The following RPS6KA2 variants were observed in gnomAD, a reference collection of about 807,000 sequenced individuals.
The protein encoded by RPS6KA2 is ribosomal protein S6 kinase A2.
Under a neutral mutation model 91.8 loss-of-function variants are expected in RPS6KA2, and 42 were observed. That is an observed-to-expected ratio of 0.46 (90% CI 0.36 to 0.59). The LOEUF (loss-of-function observed/expected upper bound fraction) is 0.59. RPS6KA2 is among the 20% of genes least tolerant of loss of function. The pLI is 0.00. For synonymous variants in RPS6KA2, 414 were observed against 393.6 expected, an observed-to-expected ratio of 1.05 and a Z score of -0.61; for missense variants, 798 against 978.5, an observed-to-expected ratio of 0.82 and a Z score of 2.46.
exon 1 of RPS6KA2, chr6:166,862,321 C>T: frequency 2.0e-6 from 3 of 1,516,630 alleles, no homozygotes; most frequent in Non-Finnish European, 2.6e-6. Context: ...AGGACAGATC[C>T]GGCTCCCAGA....
chr6:166,815,460 A>T (rs1363563554), intron 2 of RPS6KA2, among the ~76,000 whole-genome samples: 1 of 152,224 alleles, frequency 6.6e-6, no homozygotes, highest in African/African-American at 2.4e-5. Flanking sequence ...AAAATAAAAC[A>T]ATTCCTTTAT....
At chr6:166,518,251 CAAAAAAAAAA>C (rs11373431) in intron 3 of RPS6KA2, among the ~76,000 whole-genome samples, 2 of 87,314 alleles carry the variant, frequency 2.3e-5, no homozygotes, top group Admixed American at 1.3e-4. Flanking sequence ...AACACTGCCT[CAAAAAAAAAA>C]AAAAAAAAAA....
chr6:166,683,857 G>A (rs968174968), intron 2 of RPS6KA2, among the ~76,000 whole-genome samples: 5 of 152,218 alleles, frequency 3.3e-5, no homozygotes, highest in Non-Finnish European at 5.9e-5. Flanking sequence ...AGAGGTCCTT[G>A]GGGTGTTCGG....
intron 2 of RPS6KA2, among the ~76,000 whole-genome samples, chr6:166,693,319 C>T (rs1789262914): frequency 1.3e-5 from 2 of 152,206 alleles, no homozygotes; most frequent in Non-Finnish European, 2.9e-5. Flanking sequence ...CTGCTAAACA[C>T]GCGGAAGTGA....
intron 7 of RPS6KA2, among the ~76,000 whole-genome samples, chr6:166,498,912 C>G (rs978137220): frequency 2.0e-5 from 3 of 152,246 alleles, no homozygotes; most frequent in African/African-American, 7.2e-5. Context: ...CTTGGAACAC[C>G]ACCCAGACAG....
chr6:166,539,299 T>C (rs981098646), intron 1 of RPS6KA2, among the ~76,000 whole-genome samples: 3 of 152,230 alleles, frequency 2.0e-5, no homozygotes, highest in African/African-American at 7.2e-5. Flanking sequence ...CTTTTCTCCA[T>C]GGACTTTTGT....
At chr6:166,474,777 C>T (rs1357602243) in intron 10 of RPS6KA2, among the ~76,000 whole-genome samples, 1 of 152,320 alleles carries the variant, frequency 6.6e-6, no homozygotes, top group South Asian at 2.1e-4. Context: ...GCAGCCAACA[C>T]CACACCCAGG....
At chr6:166,839,382 G>A (rs1378053866) in intron 2 of RPS6KA2, among the ~76,000 whole-genome samples, 2 of 151,938 alleles carry the variant, frequency 1.3e-5, no homozygotes, top group African/African-American at 2.4e-5. Flanking sequence ...CAGTGTCTAC[G>A]TGGCCTTTTC....
At chr6:166,416,771 CATCATTTCCACA>C (rs1778546937) in intron 19 of RPS6KA2, among the ~76,000 whole-genome samples, 1 of 151,840 alleles carries the variant, frequency 6.6e-6, no homozygotes, top group Non-Finnish European at 1.5e-5. Flanking sequence ...TTATCTCCAC[CATCATTTCCACA>C]ATCATTCCCT....
rs1327529468 is a variant in RPS6KA2, at chr6:166,627,171, C to T, written c.-152G>A. The T allele has an allele frequency of 1.8e-6, 2 of 1,086,108 alleles. No homozygotes were observed. Among genetic ancestry groups the T allele is most frequent in the South Asian group, 4.5e-5 (1 of 22,228 alleles). 67.3% of individuals were successfully genotyped at this position (1,086,108 alleles called of 1,614,324 possible). A position where few individuals can be genotyped will look rare whatever the true frequency, so the allele number is the denominator to read the frequency against. ...CGGGGCGTGGGGCGCGAGCTGCGGT[C>T]ACAAAGGGCAGGCCGCGCCGGCCAC... On this transcript the variant is annotated 5_prime_UTR_variant, in exon 1 of 21. Transcript: ENST00000265678.
At chr6:166,427,563 A>T (rs1778969550) in intron 16 of RPS6KA2, among the ~76,000 whole-genome samples, 1 of 152,228 alleles carries the variant, frequency 6.6e-6, no homozygotes, top group Non-Finnish European at 1.5e-5. Context: ...CCACTGTCTC[A>T]GCCCAAAATC....
intron 1 of RPS6KA2, among the ~76,000 whole-genome samples, chr6:166,621,135 T>C (rs1786613648): frequency 6.6e-6 from 1 of 152,262 alleles, no homozygotes; most frequent in Admixed American, 6.5e-5. Flanking sequence ...GTAGCATTCT[T>C]GGGAACACCC....
intron 2 of RPS6KA2, among the ~76,000 whole-genome samples, chr6:166,716,056 AAAAAAGAAG>A (rs1790003455): frequency 1.0e-5 from 1 of 99,146 alleles, no homozygotes; most frequent in East Asian, 2.7e-4. Context: ...AAAAAAAAAA[AAAAAAGAAG>A]GAAAGAAAGA....
chr6:166,848,473 T>C (rs543721790), intron 2 of RPS6KA2, among the ~76,000 whole-genome samples: 1 of 152,308 alleles, frequency 6.6e-6, no homozygotes, highest in Non-Finnish European at 1.5e-5. Context: ...TATAGTAGCA[T>C]AATTTGCAAA....
chr6:166,777,400 G>A (rs963568688), intron 2 of RPS6KA2, among the ~76,000 whole-genome samples: 1 of 152,116 alleles, frequency 6.6e-6, no homozygotes, highest in Non-Finnish European at 1.5e-5. Context: ...CCGCTGAAGG[G>A]ACCACCTGAA....
intron 2 of RPS6KA2, among the ~76,000 whole-genome samples, chr6:166,761,545 G>A (rs886200548): frequency 1.3e-5 from 2 of 152,182 alleles, no homozygotes; most frequent in South Asian, 4.1e-4. Flanking sequence ...GAACCAAAAC[G>A]CTCACACAAT....
chr6:166,595,402 T>C (rs905780822), intron 1 of RPS6KA2, among the ~76,000 whole-genome samples: 1 of 152,248 alleles, frequency 6.6e-6, no homozygotes, highest in Non-Finnish European at 1.5e-5. Flanking sequence ...TCTATGATGC[T>C]ATTTCATAAT....
In RPS6KA2 at chr6:166,770,155, G is replaced by C. The variant is rs539950225; in HGVS notation, c.123+88045C>G. ...GGCCCCAAGGATGATCAATCCCATG[G>C]TGTCACAACCACATGTGGCGTGACT... On this transcript the variant is annotated intron_variant, in intron 2 of 21. Coordinates refer to the RPS6KA2 transcript ENST00000503859. This position sits in a 1 kb window ranked among gnomAD's most constrained non-coding sequence, Gnocchi z 5.1. 6.6e-6 allele frequency among the ~76,000 whole-genome samples: 1 copy of C among 152,162 alleles called. No homozygotes were observed.
At chr6:166,776,707 C>T (rs1778630038) in intron 2 of RPS6KA2, among the ~76,000 whole-genome samples, 1 of 152,132 alleles carries the variant, frequency 6.6e-6, no homozygotes. Context: ...ATGATGTGCT[C>T]GAGGTTCGTC....
Sources: allele counts gnomAD v4.1 joint callset (sites outside exome capture counted in the v4.1 genomes callset), GRCh38; gene constraint gnomAD v4.1.1; non-coding constraint Gnocchi (gnomAD v3.1); transcripts MANE v1.5; gene names NCBI Gene and HGNC (gene_info 2026-07-23, HGNC 2026-07-21).